Variants in ACSS1 observed in about 807,000 individuals in gnomAD.
ACSS1 encodes acyl-CoA synthetase short chain family member 1, also known as acetyl-coenzyme A synthetase 2-like, mitochondrial.
In ACSS1, 42 loss-of-function variants were observed where a neutral mutation model predicts 75.3. That is an observed-to-expected ratio of 0.56 (90% CI 0.44 to 0.72). The LOEUF is 0.72. ACSS1 is among the 30% of genes least tolerant of loss of function. The probability of loss-of-function intolerance (pLI) is 0.00; values close to 1 mark genes in which losing one functional copy is unlikely to be tolerated. For synonymous variants in ACSS1, 380 were observed against 376.8 expected (o/e 1.01, Z -0.10); for missense variants, 782 against 935.7 (o/e 0.84, Z 2.14).
At chr20:25,023,426 T>C (rs2088660457) in intron 4 of ACSS1, 40 bp downstream of exon 4, 2 of 1,612,048 alleles carry the variant, frequency 1.2e-6, no homozygotes, top group Admixed American at 3.3e-5. Flanking sequence ...GCTAACTTGA[T>C]ATGACCTCGC....
chr20:25,045,245 C>G (rs1219727919), intron 2 of ACSS1, among the ~76,000 whole-genome samples: 1 of 152,200 alleles, frequency 6.6e-6, no homozygotes, highest in Non-Finnish European at 1.5e-5. Flanking sequence ...CACAAGGTCA[C>G]AGGCCAGCAG....
Position 25,006,632 on chromosome 20 carries a change from C to T in ACSS1, c.*1130G>A, listed in dbSNP as rs1220929220. 2 of 593,562 alleles carry T rather than the reference C, an allele frequency of 3.4e-6. No individual in the cohort carries two copies. Among genetic ancestry groups the T allele is most frequent in the Admixed American group, 6.3e-5 (2 of 31,882 alleles). 36.8% of individuals were successfully genotyped at this position (593,562 alleles called of 1,614,324 possible). ...CTAAGGGACCCGGCTCACTGGGCCT[C>T]CTTCCCCTGCCAACCGCCAGCCCCT... is the stretch of plus-strand genomic sequence containing the variant. On this transcript the variant is annotated 3_prime_UTR_variant, in exon 14 of 14. Transcript: ENST00000323482.
chr20:25,047,565 C>G (rs1221128764), intron 2 of ACSS1, among the ~76,000 whole-genome samples: 1 of 152,124 alleles, frequency 6.6e-6, no homozygotes, highest in Non-Finnish European at 1.5e-5. Flanking sequence ...TAATCACGCT[C>G]GATGATTGTG....
chr20:25,047,306 C>G (rs1177159828), intron 2 of ACSS1, among the ~76,000 whole-genome samples: 1 of 152,182 alleles, frequency 6.6e-6, no homozygotes, highest in Non-Finnish European at 1.5e-5. Flanking sequence ...CTCTGGGATC[C>G]CTGCACCAGG....
rs758555820 is a variant in ACSS1 at position 25,021,409 on chromosome 20, G to A, written c.1088C>T (p.Thr363Ile). ...CTTACCAGCATTGGGATAAACTGGG[G>A]TGCTCTCAAAAAGGACGCTGGTGGC... ...NGATSVLFES[T>I]PVYPNAGRYW... The change falls in exon 6 of 14, where the codon ACC becomes ATC. Residue 363 changes from threonine (T) to isoleucine (I), a missense_variant. This residue lies in a region of ACSS1 where 405 missense variants were observed against 552.6 expected (regional missense o/e 0.73). Coordinates refer to ENST00000323482, the MANE Select transcript of ACSS1 (RefSeq NM_032501.4). 2 of 1,614,040 alleles carry A rather than the reference G, an allele frequency of 1.2e-6. No homozygotes were observed. Among genetic ancestry groups the A allele is most frequent in the Admixed American group, 1.7e-5 (1 of 60,002 alleles).
chr20:25,012,415 C>T (rs1341783501), intron 12 of ACSS1, 186 bp downstream of exon 12: 2 of 695,270 alleles, frequency 2.9e-6, no homozygotes, highest in Admixed American at 5.7e-5. Context: ...TTTCAGAAAC[C>T]CGACCGAACA....
At position 25,023,506 on chromosome 20, in the gene ACSS1, T is replaced by C. The variant is rs746454294; in HGVS notation, c.767A>G (p.Asn256Ser). Residue 256 changes from asparagine (N) to serine (S), a missense_variant, in exon 4 of 14, where the codon AAC becomes AGC. Physicochemically the swap from Asn to Ser is conservative, Grantham distance 46. Transcript: ENST00000323482. ...GTCCAGATCCCCCATGTGGACCTTG[T>C]TGTCTGTCCTGTGAGCCACCAGGAC... ...QHVLVAHRTD[N>S]KVHMGDLDVP... 38 of 1,614,018 alleles carry C rather than the reference T, an allele frequency of 2.4e-5. No individual in the cohort carries two copies. The Admixed American group carries it at 6.0e-4, about 25-fold the overall frequency.
rs1047338070 is a variant in ACSS1, at chr20:25,006,598, C to G, written c.*1164G>C. On this transcript the variant is annotated 3_prime_UTR_variant, in exon 14 of 14. Transcript: ENST00000323482. The stretch of plus-strand genomic sequence containing the variant: ...GACTGTGGGGCAAAGAGGACAAACT[C>G]TCCCTCCCCTAAGGGACCCGGCTCA... 5 of 476,494 alleles carry G rather than the reference C, an allele frequency of 1.0e-5. No individual in the cohort carries two copies. Among genetic ancestry groups the G allele is most frequent in the Admixed American group, 6.8e-5 (2 of 29,488 alleles). The allele number at this position is 476,494 out of a possible 1,614,324, so 29.5% of individuals were successfully genotyped here. A position where few individuals can be genotyped will look rare whatever the true frequency, so the allele number is the denominator to read the frequency against.
chr20:25,047,404 T>TC (rs34766073), intron 2 of ACSS1, among the ~76,000 whole-genome samples: 102,148 of 152,000 alleles, frequency 0.67, 34,534 homozygotes, highest in East Asian at 0.75. Context: ...TCCTGACTAT[T>TC]AGCTCACAGT....
intron 2 of ACSS1, among the ~76,000 whole-genome samples, chr20:25,037,579 G>A (rs2088934400): frequency 6.6e-6 from 1 of 152,198 alleles, no homozygotes; most frequent in African/African-American, 2.4e-5. Context: ...TGGGGGCTGG[G>A]GAAGGCCAAC....
At chr20:25,033,044 C>T (rs1159863583) in intron 2 of ACSS1, among the ~76,000 whole-genome samples, 4 of 152,218 alleles carry the variant, frequency 2.6e-5, no homozygotes. Flanking sequence ...CCCGGAAAAC[C>T]CCCAGCACCA....
chr20:25,016,840 T>C (rs968546286), intron 7 of ACSS1, among the ~76,000 whole-genome samples: 11 of 152,222 alleles, frequency 7.2e-5, no homozygotes, highest in African/African-American at 2.7e-4. Flanking sequence ...TACAGCATCA[T>C]AGCACGGTGT....
intron 2 of ACSS1, among the ~76,000 whole-genome samples, chr20:25,037,426 A>G (rs1005994770): frequency 3.9e-5 from 6 of 152,196 alleles, no homozygotes; most frequent in Admixed American, 3.9e-4. Flanking sequence ...ACCCCCTCTG[A>G]GAAACCAGCC....
At chr20:25,019,327 C>T (rs1173947939) in intron 7 of ACSS1, among the ~76,000 whole-genome samples, 2 of 152,250 alleles carry the variant, frequency 1.3e-5, no homozygotes, top group African/African-American at 2.4e-5. Context: ...GCCACCATCA[C>T]ATTTCCAAAA....
In ACSS1 at chr20:25,057,967, G is replaced by T; in HGVS notation, c.136C>A (p.Pro46Thr). 1 of 1,582,982 alleles carries T rather than the reference G, an allele frequency of 6.3e-7. No individual in the cohort carries two copies. Among genetic ancestry groups the T allele is most frequent in the East Asian group, 2.3e-5 (1 of 42,648 alleles). ...TGTGCTGCTGCTGCTGCAACTGCGG[G>T]AGCGCTGCCCGAGGGTCCCGAGGCC... The part of the protein sequence containing the change: ...RAASGPSGSA[P>T]AVAAAAAQPG... The change falls in exon 1 of 14, where the codon CCC becomes ACC. Residue 46 changes from proline (P) to threonine (T), a missense_variant. Coordinates refer to ENST00000323482, the MANE Select transcript of ACSS1 (RefSeq NM_032501.4).
chr20:25,014,825 A>T (rs907361846), intron 8 of ACSS1, among the ~76,000 whole-genome samples: 1 of 152,152 alleles, frequency 6.6e-6, no homozygotes, highest in Non-Finnish European at 1.5e-5. Flanking sequence ...CCTGCTGCAC[A>T]CCAGGCCTTG....
At chr20:25,049,640 G>C (rs1213992953) in intron 1 of ACSS1, among the ~76,000 whole-genome samples, 2 of 152,170 alleles carry the variant, frequency 1.3e-5, no homozygotes, top group Non-Finnish European at 2.9e-5. Context: ...GGCAAACCCT[G>C]GGAAGTCAAG....
In ACSS1 at chr20:25,057,982, G is replaced by T; in HGVS notation, c.121C>A (p.Pro41Thr). The T allele has an allele frequency of 6.5e-7, 1 of 1,550,090 alleles. No individual in the cohort carries two copies. The highest frequency in any genetic ancestry group is 1.4e-5 in the African/African-American group (1 of 72,276). The part of the protein sequence containing the change: ...VSAPRRAASG[P>T]SGSAPAVAAA... ...GCAACTGCGGGAGCGCTGCCCGAGG[G>T]TCCCGAGGCCGCCCTGCGCGGCGCG... Residue 41 changes from proline to threonine, a missense_variant, in exon 1 of 14, where the codon CCC (proline) becomes ACC (threonine). This residue lies in a region of ACSS1 where 377 missense variants were observed against 383.1 expected (regional missense o/e 0.98). Coordinates refer to ENST00000323482, the MANE Select transcript of ACSS1 (RefSeq NM_032501.4).
intron 7 of ACSS1, 31 bp downstream of exon 7, chr20:25,019,979 A>C (rs1280483265): frequency 6.2e-7 from 1 of 1,613,770 alleles, no homozygotes; most frequent in Non-Finnish European, 8.5e-7. Context: ...GGGCAAGCAC[A>C]ACCTCTCCTG....
Sources: gnomAD v4.1 joint callset for allele counts (sites outside exome capture counted in the v4.1 genomes callset) on GRCh38, gnomAD v4.1.1 for gene constraint, gnomAD v4.1.1 regional missense constraint, MANE v1.5 for transcripts, NCBI Gene and HGNC (gene_info 2026-07-23, HGNC 2026-07-21) for gene names.